SKI: variants seen among roughly 807,000 people sequenced by gnomAD.
The protein encoded by SKI is SKI proto-oncogene.
In SKI, 23 loss-of-function variants were observed where a neutral mutation model predicts 59.3. The observed-to-expected ratio is 0.39, with a 90% CI of 0.28 to 0.55. The LOEUF (loss-of-function observed/expected upper bound fraction) is 0.55. Among genes scored for constraint, SKI ranks in the 20% least tolerant of loss-of-function variants. SKI has a pLI of 0.67. For missense variants in SKI, 1,017 were observed against 1,038.9 expected (o/e 0.98, Z 0.29); for synonymous variants, 673 against 488.6 (o/e 1.38, Z -4.98).
intron 1 of SKI, among the ~76,000 whole-genome samples, chr1:2,279,463 A>T (rs976623438): frequency 6.6e-6 from 1 of 151,910 alleles, no homozygotes; most frequent in East Asian, 1.9e-4. Context: ...GTTCCCGCCC[A>T]TCCCTCTCTG....
rs1242843090 is a variant in SKI at position 2,267,073 on chromosome 1, T to C, written c.970-35905T>C. On this transcript the variant is annotated intron_variant, in intron 1 of 6. Transcript: ENST00000378536. This position sits in a 1 kb window ranked among gnomAD's most constrained non-coding sequence, Gnocchi z 4.1. Reference sequence around the variant, plus strand: ...AATAATTTTGGCTACATTAAATTCGTTTTGTTAACATCTTCATCACCGCCT... The same window carrying C: ...AATAATTTTGGCTACATTAAATTCGCTTTGTTAACATCTTCATCACCGCCT... 6.6e-6 allele frequency among the ~76,000 whole-genome samples: 1 copy of C among 152,188 alleles called. No individual in the cohort carries two copies. The highest frequency in any genetic ancestry group is 1.5e-5 in the Non-Finnish European group (1 of 68,026).
At position 2,243,866 on chromosome 1, in the gene SKI, T is replaced by C. The variant is rs907882583; in HGVS notation, c.969+14131T>C. On this transcript the variant is annotated intron_variant, in intron 1 of 6. Coordinates refer to ENST00000378536, the MANE Select transcript of SKI (RefSeq NM_003036.4). ...TATGTTCACTCAGCTGGGATGATTC[T>C]GTGTGTGCTTAGATCTTTGTTCACG... Among the ~76,000 whole-genome samples, 3 of 152,218 alleles carry C rather than the reference T, an allele frequency of 2.0e-5. No homozygotes were observed. In the South Asian group the frequency reaches 6.2e-4, roughly 31 times the overall value.
intron 1 of SKI, among the ~76,000 whole-genome samples, chr1:2,279,641 G>A (rs111399482): frequency 1.3e-5 from 2 of 152,114 alleles, no homozygotes; most frequent in East Asian, 1.9e-4. Context: ...AGTCGGCTTG[G>A]GGGGAGAGTG....
intron 1 of SKI, among the ~76,000 whole-genome samples, chr1:2,277,598 C>T (rs1314272991): frequency 2.6e-5 from 4 of 152,212 alleles, no homozygotes; most frequent in Non-Finnish European, 5.9e-5. Flanking sequence ...TTCCCAGTTT[C>T]GGGTATATCT....
intron 1 of SKI, among the ~76,000 whole-genome samples, chr1:2,298,047 C>T (rs1569847875): frequency 6.6e-6 from 1 of 152,180 alleles, no homozygotes; most frequent in East Asian, 1.9e-4. Flanking sequence ...GCCGAGCATC[C>T]ATGCAGGTGT....
rs146721409 is a variant in SKI, at chr1:2,277,700, A to G, written c.970-25278A>G. 4.1e-5 allele frequency among the ~76,000 whole-genome samples: 6 copies of G among 146,976 alleles called. No individual in the cohort carries two copies. In the East Asian group the frequency reaches 1.2e-3, roughly 30 times the overall value. On this transcript the variant is annotated intron_variant, in intron 1 of 6. Transcript: ENST00000378536. The stretch of plus-strand genomic sequence containing the variant: ...CACATTCATCAGGACCCATGGGCAC[A>G]CGTGCACACACACGTCAGTCCTGTG...
In SKI at chr1:2,309,520, T is replaced by A. The variant is rs1488566941; in HGVS notation, c.*2755T>A. 1 of 152,158 alleles carries A rather than the reference T, an allele frequency of 6.6e-6. No individual in the cohort carries two copies. Among genetic ancestry groups the A allele is most frequent in the Non-Finnish European group, 1.5e-5 (1 of 68,030 alleles). The allele number at this position is 152,158 out of a possible 1,614,324, so 9.4% of individuals were successfully genotyped here. A position where few individuals can be genotyped will look rare whatever the true frequency, so the allele number is the denominator to read the frequency against. The stretch of plus-strand genomic sequence containing the variant: ...ATGCTGGGTCCTTTTTCAGAAACTC[T>A]TTTCTTACCTGAGAGTTGTCTTGTT... On this transcript the variant is annotated 3_prime_UTR_variant, in exon 7 of 7. Coordinates refer to ENST00000378536, the MANE Select transcript of SKI (RefSeq NM_003036.4).
chr1:2,302,955 A>T (rs775313425), intron 1 of SKI, 23 bp from the exon 2 acceptor site: 17 of 1,613,320 alleles, frequency 1.1e-5, no homozygotes, highest in Non-Finnish European at 1.1e-5. Flanking sequence ...ACAGGTGCCA[A>T]CAAAACCTTT....
chr1:2,287,724 T>C (rs1343907358), intron 1 of SKI, among the ~76,000 whole-genome samples: 1 of 151,924 alleles, frequency 6.6e-6, no homozygotes. Context: ...GTGGGGGTGG[T>C]CTCCCCCTAG....
At chr1:2,255,802 C>T (rs1167528731) in intron 1 of SKI, among the ~76,000 whole-genome samples, 1 of 145,658 alleles carries the variant, frequency 6.9e-6, no homozygotes, top group Non-Finnish European at 1.5e-5. Flanking sequence ...GACCTCATTT[C>T]CTGTTTGTGC....
chr1:2,305,603 G>C (rs1010757808), intron 5 of SKI, among the ~76,000 whole-genome samples: 1 of 152,204 alleles, frequency 6.6e-6, no homozygotes, highest in African/African-American at 2.4e-5. Context: ...CGGAGGCGCC[G>C]GGCGGATGGA....
At chr1:2,265,038 C>A (rs1233514447) in intron 1 of SKI, among the ~76,000 whole-genome samples, 1 of 152,174 alleles carries the variant, frequency 6.6e-6, no homozygotes, top group Admixed American at 6.5e-5. Flanking sequence ...TCTCGAACTC[C>A]TGATCTCAGG....
At chr1:2,272,177 C>T (rs1639637828) in intron 1 of SKI, among the ~76,000 whole-genome samples, 2 of 152,358 alleles carry the variant, frequency 1.3e-5, no homozygotes, top group South Asian at 4.1e-4. Flanking sequence ...GCCCTCTGCA[C>T]AGATGGGCGG....
intron 1 of SKI, among the ~76,000 whole-genome samples, chr1:2,300,974 C>T (rs1640409892): frequency 6.6e-6 from 1 of 152,214 alleles, no homozygotes; most frequent in Non-Finnish European, 1.5e-5. Context: ...CGTTGGCTCT[C>T]ATGGAGGTGG....
At chr1:2,291,436 G>C (rs547274897) in intron 1 of SKI, among the ~76,000 whole-genome samples, 1 of 152,328 alleles carries the variant, frequency 6.6e-6, no homozygotes, top group African/African-American at 2.4e-5. Flanking sequence ...ACTTCCCGGG[G>C]TCAGCACACA....
chr1:2,297,653 A>G (rs1288921422), intron 1 of SKI, among the ~76,000 whole-genome samples: 2 of 152,226 alleles, frequency 1.3e-5, no homozygotes, highest in Non-Finnish European at 2.9e-5. Flanking sequence ...TGGCCCCTGT[A>G]CAGAGACGAA....
At chr1:2,262,897 GT>G (rs1002992168) in intron 1 of SKI, among the ~76,000 whole-genome samples, 4 of 150,650 alleles carry the variant, frequency 2.7e-5, no homozygotes, top group Non-Finnish European at 4.4e-5. Flanking sequence ...TGTTGAATTT[GT>G]TTTTTTTTGT....
intron 1 of SKI, among the ~76,000 whole-genome samples, chr1:2,297,448 G>A (rs770933161): frequency 2.0e-5 from 3 of 152,212 alleles, no homozygotes; most frequent in Non-Finnish European, 4.4e-5. Flanking sequence ...TCTTGGGAAT[G>A]TCAGAACACC....
chr1:2,279,870 C>G (rs978620998), intron 1 of SKI, among the ~76,000 whole-genome samples: 7 of 152,198 alleles, frequency 4.6e-5, no homozygotes, highest in Admixed American at 1.3e-4. Flanking sequence ...TAAGTTTACA[C>G]CAGTGTGGGC....
Sources: allele counts gnomAD v4.1 joint callset (sites outside exome capture counted in the v4.1 genomes callset), GRCh38; gene constraint gnomAD v4.1.1; non-coding constraint Gnocchi (gnomAD v3.1); transcripts MANE v1.5; gene names NCBI Gene and HGNC (gene_info 2026-07-23, HGNC 2026-07-21).